The following CBFB variants were observed in gnomAD, a reference collection of about 807,000 sequenced individuals.
CBFB encodes CBF-beta.
A neutral mutation model predicts 30.4 loss-of-function variants in CBFB; 9 were observed. That is an observed-to-expected ratio of 0.30 (90% CI 0.18 to 0.52). CBFB has a LOEUF of 0.52. Among genes scored for constraint, CBFB ranks in the 20% least tolerant of loss-of-function variants. The probability of loss-of-function intolerance (pLI) is 0.97; values close to 1 mark genes in which losing one functional copy is unlikely to be tolerated. For synonymous variants in CBFB, 94 were observed against 84.0 expected, an observed-to-expected ratio of 1.12 and a Z score of -0.65; for missense variants, 170 against 244.0, an observed-to-expected ratio of 0.70 and a Z score of 2.02.
chr16:67,093,521 T>C (rs1224972821), intron 5 of CBFB: 1 of 152,110 alleles, frequency 6.6e-6, no homozygotes, highest in Non-Finnish European at 1.5e-5. Flanking sequence ...GTGTGTGTTC[T>C]TTCGTCTCAT....
At chr16:67,043,953 A>G (rs554142650) in intron 3 of CBFB, among the ~76,000 whole-genome samples, 2 of 152,226 alleles carry the variant, frequency 1.3e-5, no homozygotes, top group Non-Finnish European at 2.9e-5. Flanking sequence ...AATGTTCTTA[A>G]TTCTTTAATC....
At chr16:67,055,515 A>T (rs1467215842) in intron 3 of CBFB, among the ~76,000 whole-genome samples, 1 of 151,186 alleles carries the variant, frequency 6.6e-6, no homozygotes, top group African/African-American at 2.4e-5. Flanking sequence ...CACCACGCCC[A>T]GCTGATTTTT....
intron 4 of CBFB, 68 bp from the exon 5 acceptor site, chr16:67,082,145 A>C (rs1961576083): frequency 9.2e-6 from 12 of 1,306,306 alleles, no homozygotes; most frequent in Non-Finnish European, 1.2e-5. Flanking sequence ...AAAAAAAAAA[A>C]CAAAACCCAA....
intron 5 of CBFB, among the ~76,000 whole-genome samples, chr16:67,097,163 G>A (rs1221782783): frequency 6.6e-6 from 1 of 152,144 alleles, no homozygotes; most frequent in African/African-American, 2.4e-5. Context: ...AGCCGGGGAG[G>A]CAGAGGTTGC....
At chr16:67,035,884 T>C (rs1348458023) in intron 2 of CBFB, among the ~76,000 whole-genome samples, 3 of 152,286 alleles carry the variant, frequency 2.0e-5, no homozygotes, top group Non-Finnish European at 2.9e-5. Flanking sequence ...GAGGGAAATA[T>C]AGAGGTAACT....
At chr16:67,049,130 T>C (rs889460143) in intron 3 of CBFB, among the ~76,000 whole-genome samples, 1 of 150,948 alleles carries the variant, frequency 6.6e-6, no homozygotes, top group African/African-American at 2.4e-5. Flanking sequence ...CACTGAGTGG[T>C]TTTTAATATA....
chr16:67,049,482 G>A (rs777810206), intron 3 of CBFB, among the ~76,000 whole-genome samples: 23 of 152,080 alleles, frequency 1.5e-4, no homozygotes, highest in Non-Finnish European at 3.2e-4. Context: ...TATTATAAGC[G>A]TGAGCCACCG....
chr16:67,092,754 C>G (rs1961933468), intron 5 of CBFB, among the ~76,000 whole-genome samples: 1 of 125,628 alleles, frequency 8.0e-6, no homozygotes, highest in Non-Finnish European at 1.6e-5. Context: ...ACTCTGCTGC[C>G]CAGGCTGGAG....
chr16:67,067,251 C>A (rs1009608537), intron 4 of CBFB, among the ~76,000 whole-genome samples: 1 of 151,482 alleles, frequency 6.6e-6, no homozygotes, highest in Non-Finnish European at 1.5e-5. Context: ...TGGCTCACAC[C>A]TGTAATCCCA....
At chr16:67,076,921 T>C (rs1305988669) in intron 4 of CBFB, among the ~76,000 whole-genome samples, 2 of 152,142 alleles carry the variant, frequency 1.3e-5, no homozygotes, top group African/African-American at 4.8e-5. Context: ...TTTTTTTCAT[T>C]GTCAGCTTTG....
At chr16:67,055,888 A>G (rs758390117) in intron 3 of CBFB, among the ~76,000 whole-genome samples, 3 of 152,210 alleles carry the variant, frequency 2.0e-5, no homozygotes, top group Non-Finnish European at 2.9e-5. Context: ...ATGAGTCAGA[A>G]CCAAGTATCT....
chr16:67,094,174 G>C (rs1961977294), intron 5 of CBFB, among the ~76,000 whole-genome samples: 2 of 145,102 alleles, frequency 1.4e-5, no homozygotes, highest in Admixed American at 1.4e-4. Flanking sequence ...GGCCGGGGTG[G>C]TCTGGAACTC....
chr16:67,044,520 T>C (rs868191551), intron 3 of CBFB, among the ~76,000 whole-genome samples: 12 of 152,306 alleles, frequency 7.9e-5, no homozygotes, highest in Middle Eastern at 3.4e-3. Context: ...TTTTGATAAG[T>C]TGTATTTTTT....
intron 1 of CBFB, 75 bp from the exon 2 acceptor site, chr16:67,029,652 C>T: frequency 7.1e-7 from 1 of 1,410,384 alleles, no homozygotes; most frequent in Non-Finnish European, 9.8e-7. Context: ...CCCTTATCGG[C>T]GCTGCGCTGG....
At chr16:67,081,521 G>T (rs187056868) in intron 4 of CBFB, among the ~76,000 whole-genome samples, 3 of 152,128 alleles carry the variant, frequency 2.0e-5, no homozygotes, top group Admixed American at 6.6e-5. Context: ...AATAAAAAAG[G>T]CTGGACAAGG....
Position 67,036,725 on chromosome 16 carries a change from G to A in CBFB, c.252G>A (p.Glu84=), listed in dbSNP as rs1162337263. Residue 84 remains glutamate, a synonymous_variant, in exon 3 of 6, where the codon GAG becomes GAA. Transcript: ENST00000412916. ...AACAGCGACAAACACCTAGCCGAGAGTATGTCGACTTAGAAAGAGAAGCAG... is the reference window on the plus strand; with the variant it reads ...AACAGCGACAAACACCTAGCCGAGAATATGTCGACTTAGAAAGAGAAGCAG... ...QGEQRQTPSR[E]YVDLEREAGK... 1.9e-6 allele frequency: 3 copies of A among 1,612,070 alleles called. No homozygotes were observed. Among genetic ancestry groups the A allele is most frequent in the Non-Finnish European group, 2.5e-6 (3 of 1,178,156 alleles).
At chr16:67,066,505 A>G (rs185783141) in intron 3 of CBFB, among the ~76,000 whole-genome samples, 177 bp from the exon 4 acceptor site, 228 of 152,062 alleles carry the variant, frequency 1.5e-3, no homozygotes, top group Non-Finnish European at 2.6e-3. Context: ...GGTTGCAGTG[A>G]GCTGAGATTG....
chr16:67,029,609 G>C, intron 1 of CBFB, 118 bp from the exon 2 acceptor site: 1 of 1,309,340 alleles, frequency 7.6e-7, no homozygotes, highest in Non-Finnish European at 1.0e-6. Context: ...GGGCAATCTC[G>C]CCGGGGCGGC....
chr16:67,053,248 CTTTT>C (rs576629599), intron 3 of CBFB, among the ~76,000 whole-genome samples: 27 of 122,740 alleles, frequency 2.2e-4, no homozygotes, highest in Non-Finnish European at 3.4e-4. Flanking sequence ...CACTTTCTCT[CTTTT>C]TTTTTTTTTT....
Sources: gnomAD v4.1 joint callset for allele counts (sites outside exome capture counted in the v4.1 genomes callset) on GRCh38, gnomAD v4.1.1 for gene constraint, MANE v1.5 for transcripts, NCBI Gene and HGNC (gene_info 2026-07-23, HGNC 2026-07-21) for gene names.